KCNB2: variants seen among roughly 807,000 people sequenced by gnomAD.
The protein encoded by KCNB2 is delayed rectifier potassium channel protein.
A neutral mutation model predicts 61.5 loss-of-function variants in KCNB2; 15 were observed. The ratio of observed to expected loss-of-function variants is 0.24; its 90% CI spans 0.16 to 0.38. KCNB2 has a LOEUF of 0.38. Among genes scored for constraint, KCNB2 ranks in the 10% least tolerant of loss-of-function variants. KCNB2 has a pLI of 1.00. For missense variants in KCNB2, 828 were observed against 1,125.2 expected (o/e 0.74, Z 3.78); for synonymous variants, 457 against 446.0 (o/e 1.02, Z -0.31).
intron 2 of KCNB2, among the ~76,000 whole-genome samples, chr8:72,803,146 T>A (rs1391605163): frequency 5.9e-5 from 9 of 151,664 alleles, no homozygotes; most frequent in Non-Finnish European, 1.5e-5. Flanking sequence ...CGTTGCGGGG[T>A]GTATAAGGAG....
intron 1 of KCNB2, among the ~76,000 whole-genome samples, chr8:72,564,209 AC>A (rs1293140368): frequency 1.3e-5 from 2 of 152,212 alleles, no homozygotes; most frequent in Non-Finnish European, 2.9e-5. Flanking sequence ...ACAAATAGTG[AC>A]CTTACCAGTG....
At chr8:72,733,313 CTT>C (rs1807782612) in intron 2 of KCNB2, among the ~76,000 whole-genome samples, 1 of 152,070 alleles carries the variant, frequency 6.6e-6, no homozygotes, top group Admixed American at 6.6e-5. Context: ...AGAATTTTGA[CTT>C]TGGCTTTGGT....
intron 2 of KCNB2, among the ~76,000 whole-genome samples, chr8:72,568,793 C>T (rs1806666173): frequency 8.6e-6 from 1 of 116,414 alleles, no homozygotes; most frequent in African/African-American, 2.5e-5. Context: ...GCTCAGAGGG[C>T]AAGTGCCACA....
intron 2 of KCNB2, among the ~76,000 whole-genome samples, chr8:72,770,259 A>G (rs1808537406): frequency 6.6e-6 from 1 of 152,202 alleles, no homozygotes; most frequent in South Asian, 2.1e-4. Flanking sequence ...ACAGACACCT[A>G]CCTGTAATTC....
chr8:72,648,971 T>C (rs1209560848), intron 2 of KCNB2, among the ~76,000 whole-genome samples: 2 of 151,444 alleles, frequency 1.3e-5, no homozygotes, highest in African/African-American at 4.9e-5. Context: ...GCAAGTTTTT[T>C]TATTTTTTTT....
intron 2 of KCNB2, among the ~76,000 whole-genome samples, chr8:72,785,973 G>C (rs1188776168): frequency 6.7e-6 from 1 of 149,824 alleles, no homozygotes; most frequent in Non-Finnish European, 1.5e-5. Context: ...AATGTGACTT[G>C]AAGACACAGA....
chr8:72,602,646 C>T (rs1273495723), intron 2 of KCNB2, among the ~76,000 whole-genome samples: 1 of 152,114 alleles, frequency 6.6e-6, no homozygotes, highest in East Asian at 1.9e-4. Flanking sequence ...TACTATGACT[C>T]ACAATTTTAT....
At chr8:72,738,265 C>G (rs970489520) in intron 2 of KCNB2, among the ~76,000 whole-genome samples, 1 of 152,126 alleles carries the variant, frequency 6.6e-6, no homozygotes, top group Admixed American at 6.6e-5. Context: ...AAATGGCTAC[C>G]TACAATTTCT....
At chr8:72,640,762 G>A (rs1486403816) in intron 2 of KCNB2, among the ~76,000 whole-genome samples, 1 of 152,034 alleles carries the variant, frequency 6.6e-6, no homozygotes, top group South Asian at 2.1e-4. Context: ...TTTTAACATA[G>A]CCAATAGACT....
intron 2 of KCNB2, among the ~76,000 whole-genome samples, chr8:72,787,035 G>A (rs560653122): frequency 1.3e-5 from 2 of 152,164 alleles, no homozygotes; most frequent in Non-Finnish European, 2.9e-5. Flanking sequence ...TACTGATAAA[G>A]TACTCATCAT....
intron 2 of KCNB2, among the ~76,000 whole-genome samples, chr8:72,869,815 T>C (rs1484329788): frequency 6.6e-6 from 1 of 152,222 alleles, no homozygotes; most frequent in Non-Finnish European, 1.5e-5. Flanking sequence ...AGAACTACCA[T>C]CTGATCAGGC....
At chr8:72,795,761 CCAAA>C (rs1272780591) in intron 2 of KCNB2, among the ~76,000 whole-genome samples, 18 of 152,122 alleles carry the variant, frequency 1.2e-4, no homozygotes, top group African/African-American at 4.3e-4. Context: ...TAAATACATA[CCAAA>C]CAAAGCCAAA....
intron 2 of KCNB2, among the ~76,000 whole-genome samples, chr8:72,815,705 A>T (rs551877229): frequency 6.6e-6 from 1 of 152,270 alleles, no homozygotes; most frequent in Admixed American, 6.5e-5. Context: ...AGTTGAATCT[A>T]ATCCATTACA....
chr8:72,835,176 G>A (rs1389070769), intron 2 of KCNB2, among the ~76,000 whole-genome samples: 1 of 152,156 alleles, frequency 6.6e-6, no homozygotes, highest in African/African-American at 2.4e-5. Flanking sequence ...CAGATCCTGA[G>A]GATGTTCCTG....
intron 2 of KCNB2, among the ~76,000 whole-genome samples, chr8:72,628,403 GT>G: frequency 6.2e-5 from 1 of 16,022 alleles, no homozygotes; most frequent in Admixed American, 1.2e-3. Context: ...GTTAGGGGGT[GT>G]GTGTGTGTGT....
intron 2 of KCNB2, among the ~76,000 whole-genome samples, chr8:72,867,335 G>T (rs561639378): frequency 6.6e-6 from 1 of 152,172 alleles, no homozygotes; most frequent in Non-Finnish European, 1.5e-5. Flanking sequence ...AATAAGTACC[G>T]TGTTGAGCAT....
chr8:72,906,787 T>TCG (rs1272736666), intron 2 of KCNB2, among the ~76,000 whole-genome samples: 1 of 152,192 alleles, frequency 6.6e-6, no homozygotes, highest in African/African-American at 2.4e-5. Flanking sequence ...AGTTGTGACC[T>TCG]TGTATTACCT....
At chr8:72,743,945 T>C (rs1808012959) in intron 2 of KCNB2, among the ~76,000 whole-genome samples, 2 of 152,200 alleles carry the variant, frequency 1.3e-5, no homozygotes. Context: ...TCGGGAGCCC[T>C]AAGTCTTATT....
At chr8:72,589,333 TAGAGA>T (rs1273361337) in intron 2 of KCNB2, among the ~76,000 whole-genome samples, 2 of 151,960 alleles carry the variant, frequency 1.3e-5, no homozygotes, top group African/African-American at 4.8e-5. Context: ...GTTTGTAGTA[TAGAGA>T]AAAGTCTAAA....
Sources: allele counts gnomAD v4.1 joint callset (sites outside exome capture counted in the v4.1 genomes callset), GRCh38; gene constraint gnomAD v4.1.1; transcripts MANE v1.5; gene names NCBI Gene and HGNC (gene_info 2026-07-23, HGNC 2026-07-21).